PHF24: variants seen among roughly 807,000 people sequenced by gnomAD.
PHF24 encodes Galpha inhibitory interacting protein.
A neutral mutation model predicts 42.6 loss-of-function variants in PHF24; 25 were observed. The observed-to-expected ratio is 0.59, with a 90% confidence interval of 0.43 to 0.82. The LOEUF (loss-of-function observed/expected upper bound fraction) is 0.82, where lower values mean the gene tolerates loss of function less well. Among genes scored for constraint, PHF24 ranks in the 40% least tolerant of loss-of-function variants. PHF24 has a pLI of 0.00. For synonymous variants in PHF24, 185 were observed against 204.8 expected (o/e 0.90, Z 0.83); for missense variants, 470 against 538.1 (o/e 0.87, Z 1.25).
chr9:34,739,803 G>A, the PHF24 span, among the ~76,000 whole-genome samples: 18 of 152,262 alleles, frequency 1.2e-4, no homozygotes, highest in East Asian at 1.9e-4. Flanking sequence ...GGCTGGGGCA[G>A]CCTGCTTTTA....
chr9:34,706,916 G>C, the PHF24 span, among the ~76,000 whole-genome samples: 5 of 151,836 alleles, frequency 3.3e-5, no homozygotes, highest in African/African-American at 1.2e-4. Flanking sequence ...CTTGAGCCCA[G>C]GAGTTTGAGG....
At chr9:34,759,144 A>G in the PHF24 span, among the ~76,000 whole-genome samples, 2 of 152,150 alleles carry the variant, frequency 1.3e-5, no homozygotes. Context: ...CCCTGTAAGT[A>G]TTATTAGGCC....
At chr9:34,850,824 C>A in the PHF24 span, among the ~76,000 whole-genome samples, 1 of 152,216 alleles carries the variant, frequency 6.6e-6, no homozygotes, top group South Asian at 2.1e-4. Context: ...ACAGACAGTA[C>A]CCTCAGCTGC....
the PHF24 span, among the ~76,000 whole-genome samples, chr9:34,825,061 GATC>G: frequency 6.6e-6 from 1 of 152,250 alleles, no homozygotes; most frequent in African/African-American, 2.4e-5. Flanking sequence ...CTACATATGA[GATC>G]ATGTCTTGTG....
At chr9:34,862,695 G>A in the PHF24 span, among the ~76,000 whole-genome samples, 2 of 151,928 alleles carry the variant, frequency 1.3e-5, no homozygotes, top group Non-Finnish European at 2.9e-5. Flanking sequence ...GCTGGCTTCC[G>A]GTGAGACTCA....
the PHF24 span, among the ~76,000 whole-genome samples, chr9:34,872,069 A>T: frequency 1.3e-5 from 2 of 152,080 alleles, no homozygotes; most frequent in Admixed American, 1.3e-4. Flanking sequence ...AGGGTTTTGC[A>T]TATGTATATA....
the PHF24 span, among the ~76,000 whole-genome samples, chr9:34,746,965 A>T: frequency 6.6e-6 from 1 of 152,230 alleles, no homozygotes; most frequent in Admixed American, 6.5e-5. Flanking sequence ...AAAAGCACTA[A>T]TCATAAAGAA....
chr9:34,917,257 T>C, the PHF24 span: 1 of 1,131,666 alleles, frequency 8.8e-7, no homozygotes, highest in African/African-American at 1.5e-5. Flanking sequence ...AAAGTCCGGG[T>C]CATGTATATC....
At chr9:34,690,070 C>T in the PHF24 span, 1 of 1,600,050 alleles carries the variant, frequency 6.2e-7, no homozygotes, top group Non-Finnish European at 8.6e-7. Context: ...TCCAGCATGC[C>T]TGGGGACCAT....
chr9:34,936,986 G>GCC, the PHF24 span, among the ~76,000 whole-genome samples: 41 of 53,106 alleles, frequency 7.7e-4, no homozygotes, highest in South Asian at 3.1e-3. Flanking sequence ...GTGGGGGTCA[G>GCC]CCCCCGCCAG....
chr9:34,874,240 G>GGAAT, the PHF24 span, among the ~76,000 whole-genome samples: 1 of 152,134 alleles, frequency 6.6e-6, no homozygotes, highest in East Asian at 1.9e-4. Context: ...ATGTTGAATA[G>GGAAT]GAATGGTGAG....
the PHF24 span, among the ~76,000 whole-genome samples, chr9:34,707,215 G>C: frequency 6.6e-6 from 1 of 152,172 alleles, no homozygotes; most frequent in African/African-American, 2.4e-5. Context: ...TGTCATATCT[G>C]AATTCTTATG....
At chr9:34,940,481 G>A in the PHF24 span, among the ~76,000 whole-genome samples, 1 of 151,998 alleles carries the variant, frequency 6.6e-6, no homozygotes, top group Non-Finnish European at 1.5e-5. Flanking sequence ...ACAGGGTGTG[G>A]TGGCTCACAC....
At chr9:34,878,966 C>T in the PHF24 span, among the ~76,000 whole-genome samples, 2 of 152,182 alleles carry the variant, frequency 1.3e-5, no homozygotes, top group Non-Finnish European at 2.9e-5. Flanking sequence ...CCAGTAGGGG[C>T]CGACTGACAC....
exon 6 of PHF24, chr9:34,977,114 A>G (rs746008082): frequency 1.9e-6 from 3 of 1,611,968 alleles, no homozygotes; most frequent in South Asian, 2.2e-5. Flanking sequence ...ACAGTGAAGG[A>G]GCGGGAGCGA....
chr9:34,785,976 T>C, the PHF24 span, among the ~76,000 whole-genome samples: 1 of 152,196 alleles, frequency 6.6e-6, no homozygotes, highest in Non-Finnish European at 1.5e-5. Flanking sequence ...ATTACTAGCT[T>C]AATTTCTGTC....
the PHF24 span, among the ~76,000 whole-genome samples, chr9:34,933,648 C>T: frequency 2.7e-5 from 4 of 150,172 alleles, no homozygotes; most frequent in East Asian, 2.0e-4. Flanking sequence ...TGGCGTGAAC[C>T]GGGGAGGCTG....
At chr9:34,925,801 G>T in the PHF24 span, among the ~76,000 whole-genome samples, 3 of 152,028 alleles carry the variant, frequency 2.0e-5, no homozygotes, top group Admixed American at 1.3e-4. Flanking sequence ...CAAGATTGGG[G>T]CCTGTTACTA....
At chr9:34,674,809 A>G in the PHF24 span, among the ~76,000 whole-genome samples, 1 of 152,188 alleles carries the variant, frequency 6.6e-6, no homozygotes, top group Admixed American at 6.5e-5. Context: ...GGGTAGAGAC[A>G]CGTAGGTGGG....
Sources: allele counts gnomAD v4.1 joint callset (sites outside exome capture counted in the v4.1 genomes callset), GRCh38; gene constraint gnomAD v4.1.1; transcripts MANE v1.5; gene names NCBI Gene and HGNC (gene_info 2026-07-23, HGNC 2026-07-21).